The following R3HDM2 variants were observed in gnomAD, a reference collection of about 807,000 sequenced individuals.
R3HDM2 encodes R3H domain-containing protein 2.
In R3HDM2, 38 loss-of-function variants were observed where a neutral mutation model predicts 124.5. That is an observed-to-expected ratio of 0.31 (90% CI 0.24 to 0.40). The LOEUF is 0.40. Among genes scored for constraint, R3HDM2 ranks in the 10% least tolerant of loss-of-function variants. The pLI, the probability that R3HDM2 is intolerant of heterozygous loss-of-function variation, is 1.00. For synonymous variants in R3HDM2, 391 were observed against 448.0 expected (o/e 0.87, Z 1.61); for missense variants, 869 against 1,236.9 (o/e 0.70, Z 4.46).
At chr12:57,422,612 T>C (rs1334400328) in intron 1 of R3HDM2, among the ~76,000 whole-genome samples, 3 of 152,132 alleles carry the variant, frequency 2.0e-5, no homozygotes, top group African/African-American at 4.8e-5. Context: ...CTTCAAGAGA[T>C]ACATATGCCA....
chr12:57,295,681 T>TC, intron 9 of R3HDM2, 174 bp from the exon 10 acceptor site: 2 of 581,212 alleles, frequency 3.4e-6, no homozygotes, highest in African/African-American at 1.9e-5. Flanking sequence ...GGTCTGTACT[T>TC]TATACATCTA....
intron 14 of R3HDM2, among the ~76,000 whole-genome samples, chr12:57,273,894 G>A (rs531604557): frequency 2.5e-4 from 38 of 152,280 alleles, no homozygotes; most frequent in African/African-American, 9.1e-4. Context: ...CTCCAAAGAG[G>A]AGAATACTCT....
At chr12:57,381,181 A>G (rs776489256) in intron 2 of R3HDM2, among the ~76,000 whole-genome samples, 3 of 152,042 alleles carry the variant, frequency 2.0e-5, no homozygotes, top group Non-Finnish European at 2.9e-5. Flanking sequence ...CAGTGAGCTG[A>G]TATCACGCCA....
chr12:57,381,392 A>G (rs775235658), intron 2 of R3HDM2, among the ~76,000 whole-genome samples: 4 of 152,200 alleles, frequency 2.6e-5, no homozygotes, highest in Non-Finnish European at 5.9e-5. Context: ...TTTCTACAAA[A>G]AATACAGAAA....
intron 19 of R3HDM2, among the ~76,000 whole-genome samples, chr12:57,262,633 G>C (rs1457473235): frequency 2.6e-5 from 4 of 152,200 alleles, no homozygotes; most frequent in Non-Finnish European, 4.4e-5. Flanking sequence ...TGCTACATGA[G>C]AGAAGGGCAG....
intron 1 of R3HDM2, among the ~76,000 whole-genome samples, chr12:57,417,991 C>A (rs2069814481): frequency 6.6e-6 from 1 of 152,170 alleles, no homozygotes; most frequent in African/African-American, 2.4e-5. Flanking sequence ...TTCCCTATCA[C>A]AGATTAAACC....
Position 57,256,009 on chromosome 12 carries a change from G to A in R3HDM2, c.2613C>T (p.Asp871=). 3.7e-6 allele frequency: 6 copies of A among 1,613,732 alleles called. No homozygotes were observed. Among genetic ancestry groups the A allele is most frequent in the Non-Finnish European group, 4.2e-6 (5 of 1,179,778 alleles). ...ACTCACCAACATCTGCTGTCCCCAG[G>A]TCAGTGGAGGCAGATTTGAGTGCTT... ...KRQALKSAST[D]LGTADVVLGR... is the part of the protein sequence containing the mutation. Residue 871 remains aspartate (D), a synonymous_variant, in exon 23 of 24, where the codon GAC becomes GAT. Coordinates refer to ENST00000402412, the MANE Select transcript of R3HDM2 (RefSeq NM_001394031.1).
intron 11 of R3HDM2, among the ~76,000 whole-genome samples, chr12:57,292,182 T>C (rs540917584): frequency 1.1e-4 from 16 of 152,326 alleles, no homozygotes; most frequent in Admixed American, 5.2e-4. Context: ...GTGAACACTA[T>C]GTCTTCCACT....
intron 19 of R3HDM2, among the ~76,000 whole-genome samples, chr12:57,264,959 G>A (rs930080352): frequency 6.6e-6 from 1 of 152,128 alleles, no homozygotes; most frequent in African/African-American, 2.4e-5. Context: ...TTTAACTGCA[G>A]TGTATTGCTA....
intron 10 of R3HDM2, among the ~76,000 whole-genome samples, 161 bp from the exon 11 acceptor site, chr12:57,292,828 C>T (rs1022413602): frequency 1.3e-5 from 2 of 152,082 alleles, no homozygotes; most frequent in African/African-American, 2.4e-5. Flanking sequence ...TCACTGGGTA[C>T]ATCTGACCAT....
intron 2 of R3HDM2, among the ~76,000 whole-genome samples, chr12:57,361,048 C>CAAAA (rs35437591): frequency 1.0e-3 from 60 of 59,978 alleles, no homozygotes; most frequent in African/African-American, 1.4e-3. Context: ...AGACACGTCT[C>CAAAA]AAAAAAAAAA....
intron 2 of R3HDM2, among the ~76,000 whole-genome samples, chr12:57,383,520 TG>T (rs1470752604): frequency 6.6e-6 from 1 of 150,872 alleles, no homozygotes; most frequent in Non-Finnish European, 1.5e-5. Flanking sequence ...CTGGCCAACA[TG>T]GTGAAACCCC....
chr12:57,354,014 C>T (rs2060963968), intron 2 of R3HDM2, among the ~76,000 whole-genome samples: 1 of 151,934 alleles, frequency 6.6e-6, no homozygotes, highest in Admixed American at 6.6e-5. Flanking sequence ...CCACCACACC[C>T]AGCTAATTTT....
rs756041976 is a variant in R3HDM2, at chr12:57,254,972, C to G, written c.2774G>C (p.Gly925Ala). The G allele has an allele frequency of 6.2e-7, 1 of 1,614,120 alleles. No homozygotes were observed. The highest frequency in any genetic ancestry group is 1.1e-5 in the South Asian group (1 of 91,078). ...KDAQGLPGGG[G>A]GDNSGTAENG... ...CTCAGCAGTCCCACTGTTGTCCCCC[C>G]CACCCCCTCCAGGCAGCCCCTGAGC... The change falls in exon 24 of 24, where the codon GGG becomes GCG. Residue 925 changes from glycine to alanine, a missense_variant. Gly to Ala is a moderately conservative substitution (Grantham distance 60). Around this residue, in one of 2 missense-constraint regions of R3HDM2, gnomAD observed 602 missense variants for 789.2 expected, o/e 0.76. Coordinates refer to ENST00000402412, the MANE Select transcript of R3HDM2 (RefSeq NM_001394031.1).
intron 2 of R3HDM2, among the ~76,000 whole-genome samples, chr12:57,320,606 G>A (rs1380653492): frequency 6.6e-6 from 1 of 152,144 alleles, no homozygotes; most frequent in East Asian, 1.9e-4. Flanking sequence ...ACTGTGAGAT[G>A]TCGGGGGAAC....
At chr12:57,420,669 A>G (rs1402020877) in intron 1 of R3HDM2, among the ~76,000 whole-genome samples, 1 of 151,470 alleles carries the variant, frequency 6.6e-6, no homozygotes, top group Non-Finnish European at 1.5e-5. Flanking sequence ...CTAGTTTTCC[A>G]TCTATCTTTA....
In R3HDM2 at chr12:57,256,972, C is replaced by T. The variant is rs370391163; in HGVS notation, c.2450-461G>A. Among the ~76,000 whole-genome samples, 19 of 152,128 alleles carry T rather than the reference C, an allele frequency of 1.2e-4. No individual in the cohort carries two copies. The East Asian group carries it at 1.9e-3, about 15-fold the overall frequency. On this transcript the variant is annotated intron_variant, in intron 21 of 23. Coordinates refer to ENST00000402412, the MANE Select transcript of R3HDM2 (RefSeq NM_001394031.1). Reference sequence around the variant, plus strand: ...CTGGGATTACAAGCATGTGCCACCACGCCTGGCTAATTTTTTTTTGTATTT... The same window carrying T: ...CTGGGATTACAAGCATGTGCCACCATGCCTGGCTAATTTTTTTTTGTATTT...
intron 8 of R3HDM2, 124 bp downstream of exon 8, chr12:57,297,204 C>A (rs1215155007): frequency 1.7e-6 from 1 of 591,844 alleles, no homozygotes. Flanking sequence ...TACATAATAA[C>A]TTAAAAACTT....
At chr12:57,376,586 T>C (rs2064099270) in intron 2 of R3HDM2, among the ~76,000 whole-genome samples, 1 of 152,112 alleles carries the variant, frequency 6.6e-6, no homozygotes, top group East Asian at 1.9e-4. Context: ...AAGCCAGAAG[T>C]TCAAGGCTGT....
Sources: gnomAD v4.1 joint callset for allele counts (sites outside exome capture counted in the v4.1 genomes callset) on GRCh38, gnomAD v4.1.1 for gene constraint, gnomAD v4.1.1 regional missense constraint, MANE v1.5 for transcripts, NCBI Gene and HGNC (gene_info 2026-07-23, HGNC 2026-07-21) for gene names.